TMEM207: variants seen among roughly 807,000 people sequenced by gnomAD.
The protein encoded by TMEM207 is transmembrane protein 207.
In TMEM207, 15 loss-of-function variants were observed where a neutral mutation model predicts 17.4. The ratio of observed to expected loss-of-function variants is 0.86; its 90% CI spans 0.58 to 1.33. TMEM207 has a LOEUF of 1.33. Among genes scored for constraint, TMEM207 ranks in the 40% most tolerant of loss-of-function variants. The probability of loss-of-function intolerance (pLI) is 0.00; values close to 1 mark genes in which losing one functional copy is unlikely to be tolerated. For synonymous variants in TMEM207, 70 were observed against 65.6 expected, an observed-to-expected ratio of 1.07 and a Z score of -0.33; for missense variants, 205 against 173.8, an observed-to-expected ratio of 1.18 and a Z score of -1.01.
intron 2 of TMEM207, among the ~76,000 whole-genome samples, chr3:190,442,046 C>T (rs1719947733): frequency 6.6e-6 from 1 of 152,182 alleles, no homozygotes; most frequent in Non-Finnish European, 1.5e-5. Flanking sequence ...TTGACTCCTT[C>T]AGTCAGGAAG....
chr3:190,433,950 C>G (rs1481678559), intron 4 of TMEM207, among the ~76,000 whole-genome samples: 1 of 152,124 alleles, frequency 6.6e-6, no homozygotes, highest in Non-Finnish European at 1.5e-5. Flanking sequence ...CCTGGCCCAG[C>G]CATGTGAAGT....
chr3:190,430,291 T>C (rs1293475832), intron 4 of TMEM207, among the ~76,000 whole-genome samples: 1 of 151,864 alleles, frequency 6.6e-6, no homozygotes, highest in Non-Finnish European at 1.5e-5. Flanking sequence ...GAAATCAAAG[T>C]TCTTGACTTC....
chr3:190,446,149 G>A (rs1371819588), intron 2 of TMEM207, among the ~76,000 whole-genome samples: 2 of 152,016 alleles, frequency 1.3e-5, no homozygotes, highest in African/African-American at 4.8e-5. Flanking sequence ...TGCCATGTTT[G>A]TGTGTTACTC....
chr3:190,439,176 CAAAA>C (rs772313119), intron 4 of TMEM207, among the ~76,000 whole-genome samples: 5 of 58,646 alleles, frequency 8.5e-5, no homozygotes, highest in Admixed American at 2.2e-4. Flanking sequence ...GACTCCGTCT[CAAAA>C]AAAAAAAAAA....
Position 190,440,233 on chromosome 3 carries a change from A to G in TMEM207, c.304+11T>C. 6.2e-7 allele frequency: 1 copy of G among 1,610,488 alleles called. No individual in the cohort carries two copies. ...ATCAAAAAAGAGTCCAGAAGCGTGC[A>G]GACAACTCACCATAAATAGAGTCCA... On this transcript the variant is annotated intron_variant, in intron 4 of 4. Coordinates refer to ENST00000354905, the MANE Select transcript of TMEM207 (RefSeq NM_207316.3).
chr3:190,435,820 G>C (rs1719792570), intron 4 of TMEM207, among the ~76,000 whole-genome samples: 1 of 152,196 alleles, frequency 6.6e-6, no homozygotes, highest in Non-Finnish European at 1.5e-5. Flanking sequence ...ACCTCTCCCA[G>C]ACAGGAAATT....
intron 4 of TMEM207, among the ~76,000 whole-genome samples, chr3:190,432,112 T>C (rs1719704459): frequency 6.6e-6 from 1 of 152,208 alleles, no homozygotes. Context: ...TTTACAGAAC[T>C]GCTCTCTAAG....
chr3:190,429,464 G>A lies in TMEM207; in HGVS notation c.*131C>T, dbSNP rs1034922218. Reference sequence around the variant, plus strand: ...TTTTTCCAACATCCATTCTTTTGTCGAATTGTCCTTCCTCAGACTATATGA... The same window carrying A: ...TTTTTCCAACATCCATTCTTTTGTCAAATTGTCCTTCCTCAGACTATATGA... On this transcript the variant is annotated 3_prime_UTR_variant, in exon 5 of 5. Transcript: ENST00000354905. 29 of 1,308,934 alleles carry A rather than the reference G, an allele frequency of 2.2e-5. No individual in the cohort carries two copies. Among genetic ancestry groups the A allele is most frequent in the Middle Eastern group, 2.7e-4 (1 of 3,668 alleles). 81.1% of individuals were successfully genotyped at this position (1,308,934 alleles called of 1,614,324 possible).
intron 4 of TMEM207, among the ~76,000 whole-genome samples, chr3:190,439,106 G>T (rs536171224): frequency 2.7e-5 from 4 of 146,942 alleles, no homozygotes; most frequent in African/African-American, 9.9e-5. Context: ...GAACCCGGGA[G>T]GGGGAGCTTG....
In TMEM207 at chr3:190,429,680, G is replaced by T; in HGVS notation, c.356C>A (p.Thr119Asn). 6.2e-7 allele frequency: 1 copy of T among 1,612,856 alleles called. No homozygotes were observed. Among genetic ancestry groups the T allele is most frequent in the Non-Finnish European group, 8.5e-7 (1 of 1,179,352 alleles). ...PTVGIHLQTQ[T>N]PDLYPVPAPC... ...AGCAGGAACAGGATATAGGTCAGGG[G>T]TTTGAGTTTGAAGGTGAATTCCAAC... Residue 119 changes from threonine to asparagine, a missense_variant, in exon 5 of 5, where the codon ACC becomes AAC. Coordinates refer to ENST00000354905, the MANE Select transcript of TMEM207 (RefSeq NM_207316.3).
chr3:190,431,086 A>G (rs1383867560), intron 4 of TMEM207, among the ~76,000 whole-genome samples: 1 of 152,162 alleles, frequency 6.6e-6, no homozygotes, highest in Non-Finnish European at 1.5e-5. Context: ...GCAAAGACTA[A>G]TAAGTCAAGT....
At chr3:190,441,588 C>A in intron 2 of TMEM207, 106 bp from the exon 3 acceptor site, 1 of 850,434 alleles carries the variant, frequency 1.2e-6, no homozygotes, top group South Asian at 1.6e-5. Context: ...CCAGAACAGT[C>A]ACCTACATAT....
At chr3:190,432,596 GA>G (rs1209988228) in intron 4 of TMEM207, among the ~76,000 whole-genome samples, 1 of 152,048 alleles carries the variant, frequency 6.6e-6, no homozygotes, top group Non-Finnish European at 1.5e-5. Flanking sequence ...TTTACACTTA[GA>G]ACATGAAACA....
chr3:190,430,685 T>C (rs1719673335), intron 4 of TMEM207, among the ~76,000 whole-genome samples: 1 of 152,144 alleles, frequency 6.6e-6, no homozygotes, highest in African/African-American at 2.4e-5. Context: ...GGGCCTCTGA[T>C]TTTGTGTATT....
At chr3:190,448,321 G>C (rs1357412393) in intron 1 of TMEM207, among the ~76,000 whole-genome samples, 1 of 152,054 alleles carries the variant, frequency 6.6e-6, no homozygotes, top group Non-Finnish European at 1.5e-5. Context: ...CCTGCTCTAA[G>C]GGTAAGGTCC....
rs1719647316 is a variant in TMEM207, at chr3:190,429,670, T to C, written c.366A>G (p.Leu122=). The C allele has an allele frequency of 1.2e-6, 2 of 1,613,472 alleles. No individual in the cohort carries two copies. Among genetic ancestry groups the C allele is most frequent in the Middle Eastern group, 1.7e-4 (1 of 6,054 alleles). ...GIHLQTQTPD[L]YPVPAPCFGP... ...CAAAACATGGAGCAGGAACAGGATA[T>C]AGGTCAGGGGTTTGAGTTTGAAGGT... Residue 122 remains leucine, a synonymous_variant, in exon 5 of 5, where the codon CTA becomes CTG. Transcript: ENST00000354905.
intron 4 of TMEM207, among the ~76,000 whole-genome samples, chr3:190,439,617 T>C (rs1719885501): frequency 6.6e-6 from 1 of 152,132 alleles, no homozygotes; most frequent in Non-Finnish European, 1.5e-5. Flanking sequence ...CAGCTGCAAA[T>C]AACTCTAAGC....
rs1435823026 is a variant in TMEM207, at chr3:190,440,258, A to G, written c.290T>C (p.Leu97Ser). 1 of 1,614,006 alleles carries G rather than the reference A, an allele frequency of 6.2e-7. No homozygotes were observed. Among genetic ancestry groups the G allele is most frequent in the Admixed American group, 1.7e-5 (1 of 59,998 alleles). The change falls in exon 4 of 5, where the codon TTG becomes TCG. Residue 97 changes from leucine to serine, a missense_variant. Leu to Ser is a moderately radical substitution (Grantham distance 145). Coordinates refer to ENST00000354905, the MANE Select transcript of TMEM207 (RefSeq NM_207316.3). ...RTMAVFAVGD[L>S]DSIYGTEAAV... ...AGACAACTCACCATAAATAGAGTCC[A>G]AGTCTCCAACAGCAAAAACTGCCAT...
chr3:190,446,784 C>T lies in TMEM207; in HGVS notation c.113+1006G>A, dbSNP rs140717440. On this transcript the variant is annotated intron_variant, in intron 2 of 4. Transcript: ENST00000354905. ...TCAACATTTAAGATCCTTTCCAATT[C>T]TGAACTTCTTTATTTTGTTAGTCTG... Among the ~76,000 whole-genome samples, 344 of 152,320 alleles carry T rather than the reference C, an allele frequency of 2.3e-3. 1 individual carries two copies. The highest frequency in any genetic ancestry group is 6.8e-3 in the Middle Eastern group (2 of 294).
Sources: gnomAD v4.1 joint callset for allele counts (sites outside exome capture counted in the v4.1 genomes callset) on GRCh38, gnomAD v4.1.1 for gene constraint, MANE v1.5 for transcripts, NCBI Gene and HGNC (gene_info 2026-07-23, HGNC 2026-07-21) for gene names.